FAM3C: variants seen among roughly 807,000 people sequenced by gnomAD.
The protein encoded by FAM3C is FAM3 metabolism regulating signaling molecule C.
In FAM3C, 15 loss-of-function variants were observed where a neutral mutation model predicts 32.5. That is an observed-to-expected ratio of 0.46 (90% CI 0.31 to 0.71). The LOEUF (loss-of-function observed/expected upper bound fraction) is 0.71. Among genes scored for constraint, FAM3C ranks in the 30% least tolerant of loss-of-function variants. FAM3C has a pLI of 0.05. For synonymous variants in FAM3C, 75 were observed against 86.1 expected, an observed-to-expected ratio of 0.87 and a Z score of 0.72; for missense variants, 175 against 274.4, an observed-to-expected ratio of 0.64 and a Z score of 2.56.
intron 1 of FAM3C, among the ~76,000 whole-genome samples, chr7:121,392,868 C>T (rs1300136608): frequency 6.6e-6 from 1 of 151,934 alleles, no homozygotes; most frequent in Non-Finnish European, 1.5e-5. Flanking sequence ...TATTACTCAC[C>T]CTTAAAAAGG....
chr7:121,390,084 TG>T (rs924230539), intron 1 of FAM3C, among the ~76,000 whole-genome samples: 1 of 152,210 alleles, frequency 6.6e-6, no homozygotes, highest in Non-Finnish European at 1.5e-5. Flanking sequence ...GTAAAAGATC[TG>T]AAGAACTGTT....
rs542795603 is a variant in FAM3C at position 121,352,625 on chromosome 7, T to C, written c.468-1356A>G. Among the ~76,000 whole-genome samples, 4 of 152,268 alleles carry C rather than the reference T, an allele frequency of 2.6e-5. No individual in the cohort carries two copies. The South Asian group carries it at 6.2e-4, about 24-fold the overall frequency. On this transcript the variant is annotated intron_variant, in intron 8 of 9. Coordinates refer to ENST00000359943, the MANE Select transcript of FAM3C (RefSeq NM_014888.3). ...CTGTGAAGATTGTGAGGCCTTCACA[T>C]GAAATCTGTGCATATGCACTGGCTT...
At chr7:121,383,318 T>C (rs1459612294) in intron 1 of FAM3C, among the ~76,000 whole-genome samples, 1 of 152,134 alleles carries the variant, frequency 6.6e-6, no homozygotes, top group East Asian at 1.9e-4. Flanking sequence ...TATAAGAAAC[T>C]TTTGATATTT....
In FAM3C at chr7:121,394,262, T is replaced by A. The variant is rs571862483; in HGVS notation, c.-42+1900A>T. 2.7e-4 allele frequency among the ~76,000 whole-genome samples: 41 copies of A among 152,346 alleles called. 1 individual carries two copies. The South Asian group carries it at 8.1e-3, about 30-fold the overall frequency. On this transcript the variant is annotated intron_variant, in intron 1 of 9. Coordinates refer to ENST00000359943, the MANE Select transcript of FAM3C (RefSeq NM_014888.3). ...CTGATACCCCCTCAGGGAACATTAC[T>A]TTTTGCCATTCCATAGCCTCTTAGC...
chr7:121,364,274 G>A, intron 5 of FAM3C, 86 bp from the exon 6 acceptor site: 3 of 858,904 alleles, frequency 3.5e-6, no homozygotes, highest in South Asian at 1.5e-5. Flanking sequence ...AAAAAAGTTA[G>A]GAATATTATA....
At chr7:121,355,257 C>A (rs1257979678) in intron 8 of FAM3C, among the ~76,000 whole-genome samples, 2 of 152,096 alleles carry the variant, frequency 1.3e-5, no homozygotes, top group East Asian at 1.9e-4. Flanking sequence ...GTCCTGTAAA[C>A]CCCCTCCCCC....
At chr7:121,370,584 G>C (rs1794126172) in intron 5 of FAM3C, among the ~76,000 whole-genome samples, 2 of 152,138 alleles carry the variant, frequency 1.3e-5, no homozygotes, top group South Asian at 2.1e-4. Context: ...TCAGCAGCAG[G>C]AACTTGCGAG....
At chr7:121,381,794 T>A (rs1184653693) in intron 2 of FAM3C, among the ~76,000 whole-genome samples, 3 of 152,204 alleles carry the variant, frequency 2.0e-5, no homozygotes, top group African/African-American at 4.8e-5. Context: ...TTACTTTTTT[T>A]AAAATTGCTT....
intron 8 of FAM3C, among the ~76,000 whole-genome samples, chr7:121,354,370 G>T (rs1793767213): frequency 1.3e-5 from 2 of 152,264 alleles, no homozygotes; most frequent in South Asian, 4.1e-4. Context: ...AAAATGAACA[G>T]AAAATTATCC....
At chr7:121,389,072 A>G (rs148468719) in intron 1 of FAM3C, among the ~76,000 whole-genome samples, 1 of 152,270 alleles carries the variant, frequency 6.6e-6, no homozygotes, top group East Asian at 1.9e-4. Flanking sequence ...CCACTTAAAA[A>G]CAGGTTAGCA....
intron 8 of FAM3C, among the ~76,000 whole-genome samples, chr7:121,351,849 T>C (rs1188039665): frequency 6.6e-6 from 1 of 152,164 alleles, no homozygotes; most frequent in Non-Finnish European, 1.5e-5. Flanking sequence ...AAATGCCTAC[T>C]AGCAGGAGGT....
intron 3 of FAM3C, among the ~76,000 whole-genome samples, chr7:121,378,525 C>T (rs917727): frequency 0.32 from 48,782 of 151,882 alleles, 8,821 homozygotes; most frequent in African/African-American, 0.49. Flanking sequence ...AATGCATTAC[C>T]GTGACTCCTA....
At chr7:121,351,353 A>G (rs1366445696) in intron 8 of FAM3C, 84 bp from the exon 9 acceptor site, 1 of 1,143,970 alleles carries the variant, frequency 8.7e-7, no homozygotes, top group Non-Finnish European at 1.2e-6. Context: ...AACACAAAAC[A>G]TGAGACAAAA....
At chr7:121,372,696 T>C (rs779093249) in intron 3 of FAM3C, among the ~76,000 whole-genome samples, 29 of 152,314 alleles carry the variant, frequency 1.9e-4, no homozygotes, top group Non-Finnish European at 3.5e-4. Context: ...GTTCTCAACC[T>C]GACCATCTAT....
intron 1 of FAM3C, among the ~76,000 whole-genome samples, chr7:121,387,666 G>C (rs368389464): frequency 6.6e-6 from 1 of 151,890 alleles, no homozygotes; most frequent in African/African-American, 2.4e-5. Flanking sequence ...CCAATCCCAG[G>C]AAATGTAAAG....
At chr7:121,354,415 G>A (rs1031748203) in intron 8 of FAM3C, among the ~76,000 whole-genome samples, 3 of 152,174 alleles carry the variant, frequency 2.0e-5, no homozygotes, top group African/African-American at 4.8e-5. Flanking sequence ...AACGGTATCA[G>A]GTTTTGCTAG....
intron 8 of FAM3C, among the ~76,000 whole-genome samples, chr7:121,351,808 T>C (rs1165849037): frequency 1.3e-5 from 2 of 152,300 alleles, no homozygotes; most frequent in East Asian, 3.9e-4. Context: ...GGTTACTTAA[T>C]AAAAATGAAA....
intron 2 of FAM3C, among the ~76,000 whole-genome samples, chr7:121,379,477 T>C (rs543453652): frequency 1.1e-4 from 17 of 152,174 alleles, no homozygotes; most frequent in Non-Finnish European, 1.9e-4. Context: ...TGTTACAGAT[T>C]TATTGTCCTA....
At chr7:121,361,544 T>A (rs998086578) in intron 7 of FAM3C, among the ~76,000 whole-genome samples, 2 of 152,096 alleles carry the variant, frequency 1.3e-5, no homozygotes, top group African/African-American at 4.8e-5. Context: ...GTAAGACTCT[T>A]TCTATCAATA....
Sources: allele counts gnomAD v4.1 joint callset (sites outside exome capture counted in the v4.1 genomes callset), GRCh38; gene constraint gnomAD v4.1.1; transcripts MANE v1.5; gene names NCBI Gene and HGNC (gene_info 2026-07-23, HGNC 2026-07-21).